Variants in EPS8L2 observed in about 807,000 individuals in gnomAD.
EPS8L2 encodes the protein EPS8 signaling adaptor L2.
Under a neutral mutation model 99.4 loss-of-function variants are expected in EPS8L2, and 81 were observed. That is an observed-to-expected ratio of 0.82 (90% confidence interval 0.68 to 0.98). The LOEUF (loss-of-function observed/expected upper bound fraction) is 0.98, where lower values mean the gene tolerates loss of function less well. Ranked by LOEUF, EPS8L2 falls within the 50% of genes least tolerant of loss-of-function variation. The probability of loss-of-function intolerance (pLI) is 0.00; values close to 1 mark genes in which losing one functional copy is unlikely to be tolerated. For synonymous variants in EPS8L2, 509 were observed against 407.3 expected (o/e 1.25, Z -3.01); for missense variants, 1,155 against 968.8 (o/e 1.19, Z -2.55).
rs889985090 is a variant in EPS8L2 at position 709,666 on chromosome 11, A to G, written c.100+58A>G. On this transcript the variant is annotated intron_variant, in intron 3 of 20. Coordinates refer to ENST00000318562, the MANE Select transcript of EPS8L2 (RefSeq NM_022772.4). ...CAGGGGAGAAATGGGCACTGCATCC[A>G]GGTGGGGGACAGCTGCTCCTGCCCC... 3 of 1,582,700 alleles carry G rather than the reference A, an allele frequency of 1.9e-6. No homozygotes were observed. In the Admixed American group the frequency reaches 5.1e-5, roughly 27 times the overall value.
intron 3 of EPS8L2, 96 bp from the exon 4 acceptor site, chr11:710,326 C>T (rs1046293731): frequency 1.2e-4 from 151 of 1,236,050 alleles, no homozygotes; most frequent in Non-Finnish European, 1.7e-4. Context: ...AGCCTCCCTC[C>T]GCTTGACTCC....
At position 716,523 on chromosome 11, in the gene EPS8L2, C is replaced by T. The variant is rs181116568; in HGVS notation, c.166-3539C>T. Among the ~76,000 whole-genome samples the T allele has an allele frequency of 1.1e-3, 164 of 152,324 alleles. 1 individual carries two copies. Among genetic ancestry groups the T allele is most frequent in the African/African-American group, 2.7e-3 (112 of 41,570 alleles). ...CCACCCTCCTTGGCCTCCCAAAGTG[C>T]TGGGATTACAGGCGTGAGCCACCGT... is the stretch of plus-strand genomic sequence containing the variant. On this transcript the variant is annotated intron_variant, in intron 4 of 20. Transcript: ENST00000318562.
At chr11:720,291 C>G in intron 5 of EPS8L2, 68 bp downstream of exon 5, 1 of 1,533,568 alleles carries the variant, frequency 6.5e-7, no homozygotes, top group Non-Finnish European at 8.9e-7. Flanking sequence ...CCGGCTGCAG[C>G]CCGGATGTGC....
At chr11:722,606 C>T (rs1391315172) in intron 13 of EPS8L2, 57 bp downstream of exon 13, 1 of 1,609,792 alleles carries the variant, frequency 6.2e-7, no homozygotes, top group Non-Finnish European at 8.5e-7. Flanking sequence ...TGCATGGGGG[C>T]CAGCAAGGGG....
intron 1 of EPS8L2, chr11:708,949 A>AC (rs1209308249): frequency 5.3e-5 from 1 of 18,716 alleles, no homozygotes; most frequent in Non-Finnish European, 1.1e-4. Context: ...CCCCCACCGC[A>AC]CCCCCCTCCC....
In EPS8L2 at chr11:723,285, C is replaced by T; in HGVS notation, c.1386C>T (p.His462=). Residue 462 remains histidine (H), a synonymous_variant, in exon 15 of 21, where the codon CAC becomes CAT. Transcript: ENST00000318562. ...SRQSIRNSQK[H]SPTSEPTPPG... The stretch of plus-strand genomic sequence containing the variant: ...AGTCCATAAGAAACTCCCAGAAGCA[C>T]AGCCCCACTTCAGAGCCCACCCCCC... The T allele has an allele frequency of 1.2e-6, 2 of 1,607,280 alleles. No homozygotes were observed. The highest frequency in any genetic ancestry group is 1.1e-5 in the South Asian group (1 of 90,152).
chr11:712,587 G>A (rs1010027164), intron 4 of EPS8L2, among the ~76,000 whole-genome samples: 17 of 152,356 alleles, frequency 1.1e-4, no homozygotes, highest in African/African-American at 4.1e-4. Flanking sequence ...TCCTCCTGCA[G>A]GACCAGTCCT....
At chr11:707,104 GGCGGCCCCTCCCCTC>G (rs1169555580) in intron 1 of EPS8L2, among the ~76,000 whole-genome samples, 6 of 152,022 alleles carry the variant, frequency 3.9e-5, no homozygotes, top group South Asian at 4.1e-4. Flanking sequence ...CCCAGCTGGC[GGCGGCCCCTCCCCTC>G]GCGGCCCCTC....
At position 726,453 on chromosome 11, in the gene EPS8L2, G is replaced by T; in HGVS notation, c.1903G>T (p.Ala635Ser). Residue 635 changes from alanine to serine, a missense_variant, in exon 19 of 21, where the codon GCC becomes TCC. Physicochemically the swap from Ala to Ser is moderately conservative, Grantham distance 99. Transcript: ENST00000318562. ...CGAGTCGGGTCCGGACGAGGTCCGC[G>T]CCTGGCTGGAAGCCAAGGCCTTCAG... is the stretch of plus-strand genomic sequence containing the variant. The part of the protein sequence containing the change: ...TYESGPDEVR[A>S]WLEAKAFSPR... 1 of 1,581,740 alleles carries T rather than the reference G, an allele frequency of 6.3e-7. No individual in the cohort carries two copies. Among genetic ancestry groups the T allele is most frequent in the Non-Finnish European group, 8.6e-7 (1 of 1,165,650 alleles).
chr11:725,796 C>A lies in EPS8L2; in HGVS notation c.1629C>A (p.Cys543Ter), dbSNP rs757313139. 1 of 1,380,018 alleles carries A rather than the reference C, an allele frequency of 7.2e-7. No individual in the cohort carries two copies. The allele number at this position is 1,380,018 out of a possible 1,614,324, so 85.5% of individuals were successfully genotyped here. A position where few individuals can be genotyped will look rare whatever the true frequency, so the allele number is the denominator to read the frequency against. Residue 543 changes from cysteine to a stop codon, truncating the protein, a stop_gained, in exon 17 of 21, where the codon TGC (cysteine) becomes TGA (stop). Coordinates refer to ENST00000318562, the MANE Select transcript of EPS8L2 (RefSeq NM_022772.4). LOFTEE classifies it high-confidence loss of function. ...SRSGQAGYVP[C>*]NILGEARPED... ...GCGGCCAGGCGGGGTACGTGCCCTGCAACATCCTAGGCGAGGCGCGACCGG... is the reference window on the plus strand; with the variant it reads ...GCGGCCAGGCGGGGTACGTGCCCTGAAACATCCTAGGCGAGGCGCGACCGG...
At chr11:719,613 G>A (rs938179784) in intron 4 of EPS8L2, among the ~76,000 whole-genome samples, 2 of 152,266 alleles carry the variant, frequency 1.3e-5, no homozygotes, top group Non-Finnish European at 2.9e-5. Flanking sequence ...TAGCGAGCAC[G>A]CTGGACGCAC....
At chr11:709,941 C>G (rs1398381982) in intron 3 of EPS8L2, 1 of 457,900 alleles carries the variant, frequency 2.2e-6, no homozygotes, top group African/African-American at 2.0e-5. Context: ...CTGGCCAGCC[C>G]CCACCTCCCC....
chr11:712,377 G>C (rs1212897854), intron 4 of EPS8L2, among the ~76,000 whole-genome samples: 78 of 139,236 alleles, frequency 5.6e-4, no homozygotes, highest in African/African-American at 1.9e-3. Context: ...TCCCGGTTGT[G>C]GTCCAAGCCT....
chr11:715,050 G>A (rs1200523787), intron 4 of EPS8L2, among the ~76,000 whole-genome samples: 2 of 152,088 alleles, frequency 1.3e-5, no homozygotes, highest in African/African-American at 4.8e-5. Flanking sequence ...AGACCATTCT[G>A]GCTAACATGG....
At chr11:710,389 C>T (rs756713353) in intron 3 of EPS8L2, 33 bp from the exon 4 acceptor site, 13 of 1,608,762 alleles carry the variant, frequency 8.1e-6, no homozygotes, top group Admixed American at 1.7e-5. Context: ...GGGTCCTGCC[C>T]GTCGGGGGAG....
chr11:721,764 CG>C, intron 10 of EPS8L2, 73 bp downstream of exon 10: 1 of 1,546,712 alleles, frequency 6.5e-7, no homozygotes, highest in Non-Finnish European at 8.9e-7. Flanking sequence ...GGGACGGGGA[CG>C]GGGCCAGGGA....
chr11:717,877 C>G (rs980411488), intron 4 of EPS8L2, among the ~76,000 whole-genome samples: 3 of 151,976 alleles, frequency 2.0e-5, no homozygotes, highest in African/African-American at 4.8e-5. Flanking sequence ...GGCGTGGTGG[C>G]AGGCGCCTGT....
At position 721,712 on chromosome 11, in the gene EPS8L2, G is replaced by A; in HGVS notation, c.895+21G>A. 1.9e-6 allele frequency: 3 copies of A among 1,587,058 alleles called. No individual in the cohort carries two copies. In the South Asian group the frequency reaches 3.3e-5, roughly 18 times the overall value. On this transcript the variant is annotated intron_variant, in intron 10 of 20. Transcript: ENST00000318562. ...AGCAGGTGCAGGGGACAGGGACGGG[G>A]CCGGCAGGTGCAGGGGACGGGGCCA...
intron 4 of EPS8L2, among the ~76,000 whole-genome samples, chr11:714,451 G>A (rs762240281): frequency 6.6e-6 from 1 of 151,482 alleles, no homozygotes; most frequent in South Asian, 2.1e-4. Flanking sequence ...GGCTGGTCTC[G>A]AACTCCTGAT....
Sources: allele counts gnomAD v4.1 joint callset (sites outside exome capture counted in the v4.1 genomes callset), GRCh38; gene constraint gnomAD v4.1.1; transcripts MANE v1.5; gene names NCBI Gene and HGNC (gene_info 2026-07-23, HGNC 2026-07-21).